The following TAFA2 variants were observed in gnomAD, a reference collection of about 807,000 sequenced individuals.
TAFA2 encodes TAFA chemokine like family member 2.
TAFA2 carries 7 observed loss-of-function variants against 18.8 expected under a neutral mutation model. The ratio of observed to expected loss-of-function variants is 0.37; its 90% CI spans 0.21 to 0.70. The LOEUF (loss-of-function observed/expected upper bound fraction) is 0.70. Among genes scored for constraint, TAFA2 ranks in the 30% least tolerant of loss-of-function variants. The pLI is 0.53. For missense variants in TAFA2, 122 were observed against 158.1 expected, an observed-to-expected ratio of 0.77 and a Z score of 1.23; for synonymous variants, 60 against 54.2, an observed-to-expected ratio of 1.11 and a Z score of -0.47.
At chr12:62,110,105 G>A (rs533412687) in intron 1 of TAFA2, among the ~76,000 whole-genome samples, 1 of 152,254 alleles carries the variant, frequency 6.6e-6, no homozygotes, top group East Asian at 1.9e-4. Context: ...TATGATATTG[G>A]CTGTGGGTTA....
At chr12:62,007,464 T>C (rs573661408) in intron 1 of TAFA2, among the ~76,000 whole-genome samples, 2 of 152,314 alleles carry the variant, frequency 1.3e-5, no homozygotes, top group East Asian at 3.9e-4. Flanking sequence ...CTGTTCACAG[T>C]GACTGGAAGA....
chr12:61,714,565 C>A (rs1469835501), intron 4 of TAFA2, among the ~76,000 whole-genome samples: 1 of 152,154 alleles, frequency 6.6e-6, no homozygotes, highest in Non-Finnish European at 1.5e-5. Flanking sequence ...AAAATCATGT[C>A]TTTAAGTCTG....
chr12:61,713,254 G>A (rs960128378), intron 4 of TAFA2, among the ~76,000 whole-genome samples: 1 of 152,152 alleles, frequency 6.6e-6, no homozygotes, highest in Admixed American at 6.6e-5. Context: ...ATGCTGAGCT[G>A]TAACCAATCT....
chr12:62,169,475 T>G (rs1035800154), intron 1 of TAFA2, among the ~76,000 whole-genome samples: 5 of 152,088 alleles, frequency 3.3e-5, no homozygotes, highest in African/African-American at 1.2e-4. Flanking sequence ...TAGTAAAAAT[T>G]TTGTAAGTGT....
chr12:61,754,720 A>G (rs75557480), intron 3 of TAFA2, 152 bp downstream of exon 3: 2 of 719,392 alleles, frequency 2.8e-6, no homozygotes, highest in Non-Finnish European at 4.1e-6. Context: ...TTAGATTTCA[A>G]AATGCCACCC....
intron 2 of TAFA2, among the ~76,000 whole-genome samples, chr12:61,791,176 G>A (rs1870962230): frequency 1.3e-5 from 2 of 151,728 alleles, no homozygotes; most frequent in Non-Finnish European, 2.9e-5. Flanking sequence ...AACTGGACAT[G>A]TATCTTTTGG....
chr12:61,973,581 C>T (rs1219717898), intron 1 of TAFA2, among the ~76,000 whole-genome samples: 3 of 151,514 alleles, frequency 2.0e-5, no homozygotes, highest in Non-Finnish European at 4.4e-5. Context: ...TCACCCAGAA[C>T]AATTATATCT....
At chr12:62,240,766 C>A (rs897092041) in intron 1 of TAFA2, among the ~76,000 whole-genome samples, 3 of 152,128 alleles carry the variant, frequency 2.0e-5, no homozygotes, top group African/African-American at 7.2e-5. Flanking sequence ...TGTTAGGAAC[C>A]AGACTGCAGA....
intron 1 of TAFA2, among the ~76,000 whole-genome samples, chr12:62,222,151 C>A (rs2062765845): frequency 6.6e-6 from 1 of 152,046 alleles, no homozygotes; most frequent in African/African-American, 2.4e-5. Context: ...CTCACAGATG[C>A]CTACCTGTGC....
chr12:62,257,212 G>A (rs1390769755), intron 1 of TAFA2, among the ~76,000 whole-genome samples: 3 of 144,936 alleles, frequency 2.1e-5, no homozygotes, highest in Non-Finnish European at 4.5e-5. Context: ...GATTTGCTAA[G>A]TCCACTCAAA....
chr12:61,990,858 A>T, intron 1 of TAFA2, among the ~76,000 whole-genome samples: 1 of 152,212 alleles, frequency 6.6e-6, no homozygotes, highest in Non-Finnish European at 1.5e-5. Context: ...TTGTGGGTAC[A>T]TGATATGTAA....
At chr12:61,964,811 C>T (rs1410827372) in intron 1 of TAFA2, among the ~76,000 whole-genome samples, 2 of 151,900 alleles carry the variant, frequency 1.3e-5, no homozygotes, top group African/African-American at 4.8e-5. Flanking sequence ...CTTCAGGACC[C>T]AGTCCAAAAG....
chr12:61,857,251 A>G (rs1322771935), intron 2 of TAFA2, among the ~76,000 whole-genome samples: 1 of 152,166 alleles, frequency 6.6e-6, no homozygotes, highest in Non-Finnish European at 1.5e-5. Flanking sequence ...TAAATTATCC[A>G]AATAATAGAA....
intron 2 of TAFA2, among the ~76,000 whole-genome samples, chr12:61,803,898 AT>A (rs1222226088): frequency 1.3e-5 from 2 of 152,034 alleles, no homozygotes; most frequent in East Asian, 1.9e-4. Flanking sequence ...TTTTAAAAAA[AT>A]GACAATAGCT....
intron 2 of TAFA2, among the ~76,000 whole-genome samples, chr12:61,763,785 A>G (rs1011742237): frequency 3.3e-5 from 5 of 151,948 alleles, no homozygotes; most frequent in African/African-American, 1.2e-4. Flanking sequence ...AACCAAGCAC[A>G]GCAGCAAAGA....
intron 1 of TAFA2, among the ~76,000 whole-genome samples, chr12:62,010,704 T>A (rs1456945759): frequency 7.4e-6 from 1 of 134,918 alleles, no homozygotes; most frequent in African/African-American, 2.9e-5. Flanking sequence ...GTCTGGGAAG[T>A]GGGCGCCTCT....
intron 1 of TAFA2, among the ~76,000 whole-genome samples, chr12:61,882,345 G>A (rs752239890): frequency 1.3e-5 from 2 of 152,120 alleles, no homozygotes; most frequent in Non-Finnish European, 2.9e-5. Flanking sequence ...GAAAAACACT[G>A]GAGGAAAACA....
At position 61,812,730 on chromosome 12, in the gene TAFA2, C is replaced by T. The variant is rs538868213; in HGVS notation, c.106+54590G>A. Among the ~76,000 whole-genome samples the T allele has an allele frequency of 8.6e-5, 13 of 150,918 alleles. 1 individual carries two copies. In the East Asian group the frequency reaches 1.4e-3, roughly 16 times the overall value. ...GATTACAGGCGCCCCCTGCCACGCC[C>T]GGATAACTTTTGTATTTTTAGTAGG... On this transcript the variant is annotated intron_variant, in intron 2 of 4. Transcript: ENST00000416284.
intron 1 of TAFA2, among the ~76,000 whole-genome samples, chr12:61,938,669 C>T (rs1468061975): frequency 6.6e-6 from 1 of 152,094 alleles, no homozygotes; most frequent in African/African-American, 2.4e-5. Flanking sequence ...GCCCATTGAC[C>T]AATGAGTGAA....
Sources: allele counts gnomAD v4.1 joint callset (sites outside exome capture counted in the v4.1 genomes callset), GRCh38; gene constraint gnomAD v4.1.1; transcripts MANE v1.5; gene names NCBI Gene and HGNC (gene_info 2026-07-23, HGNC 2026-07-21).